RGL1: variants seen among roughly 807,000 people sequenced by gnomAD.
RGL1 encodes the protein ral guanine nucleotide dissociation stimulator-like 1.
In RGL1, 24 loss-of-function variants were observed where a neutral mutation model predicts 95.2. The observed-to-expected ratio is 0.25, with a 90% CI of 0.18 to 0.35. RGL1 has a LOEUF of 0.35. Ranked by LOEUF, RGL1 falls within the 10% of genes least tolerant of loss-of-function variation. The pLI is 1.00. For synonymous variants in RGL1, 329 were observed against 344.9 expected, an observed-to-expected ratio of 0.95 and a Z score of 0.51; for missense variants, 715 against 936.3, an observed-to-expected ratio of 0.76 and a Z score of 3.08.
intron 1 of RGL1, among the ~76,000 whole-genome samples, chr1:183,738,951 T>A (rs1273685708): frequency 2.6e-5 from 4 of 152,102 alleles, no homozygotes; most frequent in Admixed American, 2.6e-4. Flanking sequence ...ATGCTAGATT[T>A]GAAGAGGAAA....
In RGL1 at chr1:183,795,884, C is replaced by G. The variant is rs952918466; in HGVS notation, c.133-10491C>G. On this transcript the variant is annotated intron_variant, in intron 2 of 18. Coordinates refer to the RGL1 transcript ENST00000304685. ...TCTTGCTGTAATCTCTATATTATGA[C>G]GTTTGGCTTCAAGCTAAAAAATCTT... Among the ~76,000 whole-genome samples the G allele has an allele frequency of 4.1e-4, 63 of 152,058 alleles. 1 individual carries two copies. Among genetic ancestry groups the G allele is most frequent in the Non-Finnish European group, 1.2e-4 (8 of 68,004 alleles).
chr1:183,735,120 GA>G (rs1398725103), intron 1 of RGL1, among the ~76,000 whole-genome samples: 6 of 152,058 alleles, frequency 3.9e-5, no homozygotes, highest in Non-Finnish European at 7.4e-5. Flanking sequence ...GTAAGGGGGA[GA>G]AAGTATGTGG....
chr1:183,855,235 CT>C (rs1369738013), intron 3 of RGL1, among the ~76,000 whole-genome samples: 1 of 152,210 alleles, frequency 6.6e-6, no homozygotes, highest in Non-Finnish European at 1.5e-5. Flanking sequence ...CGTGTCATCA[CT>C]GTCAAGGCCA....
chr1:183,668,611 C>T (rs1381015235), intron 1 of RGL1, among the ~76,000 whole-genome samples: 1 of 151,942 alleles, frequency 6.6e-6, no homozygotes, highest in East Asian at 1.9e-4. Context: ...CACCTGGCTG[C>T]GATTTTTTCT....
intron 2 of RGL1, among the ~76,000 whole-genome samples, chr1:183,810,808 G>A (rs978180450): frequency 6.6e-6 from 1 of 152,108 alleles, no homozygotes; most frequent in African/African-American, 2.4e-5. Context: ...TTCACTTCTG[G>A]GAGCCTTCTC....
chr1:183,738,545 C>T (rs1657089421), intron 1 of RGL1, among the ~76,000 whole-genome samples: 2 of 152,170 alleles, frequency 1.3e-5, no homozygotes, highest in Admixed American at 1.3e-4. Context: ...GACTCTGTCA[C>T]ATAGACTTCT....
intron 3 of RGL1, among the ~76,000 whole-genome samples, 154 bp from the exon 4 acceptor site, chr1:183,865,842 T>A (rs1290308078): frequency 6.6e-6 from 1 of 152,268 alleles, no homozygotes; most frequent in Non-Finnish European, 1.5e-5. Context: ...TAACTATCAA[T>A]AATACTGCAT....
chr1:183,713,976 G>A (rs1205905139), intron 1 of RGL1, among the ~76,000 whole-genome samples: 1 of 152,056 alleles, frequency 6.6e-6, no homozygotes, highest in Non-Finnish European at 1.5e-5. Context: ...GTGATCTCTG[G>A]GTATTGGCTC....
chr1:183,753,309 T>C (rs1658136181), intron 2 of RGL1, among the ~76,000 whole-genome samples: 1 of 152,208 alleles, frequency 6.6e-6, no homozygotes. Context: ...AGAAGTTTTG[T>C]TTTGTTCTTT....
At chr1:183,804,389 C>T (rs1661154247), upstream of RGL1, among the ~76,000 whole-genome samples, 1 of 152,162 alleles carries the variant, frequency 6.6e-6, no homozygotes. Context: ...ATCCCTATAG[C>T]AGATCTTTCC....
chr1:183,646,381 A>C (rs1468847990), intron 1 of RGL1: 1 of 151,974 alleles, frequency 6.6e-6, no homozygotes, highest in Non-Finnish European at 1.5e-5. Context: ...TAAATGTTTT[A>C]ATGTCATGGC....
chr1:183,741,175 C>T (rs1029514091), intron 1 of RGL1, among the ~76,000 whole-genome samples: 3 of 152,186 alleles, frequency 2.0e-5, no homozygotes, highest in Non-Finnish European at 2.9e-5. Context: ...AAGCCAGACA[C>T]AAAGATCCTT....
At chr1:183,733,126 A>AT (rs1335078636) in intron 1 of RGL1, among the ~76,000 whole-genome samples, 13 of 151,604 alleles carry the variant, frequency 8.6e-5, no homozygotes, top group African/African-American at 2.4e-4. Flanking sequence ...ATGGAAACAA[A>AT]TTTTTTTTTA....
intron 1 of RGL1, among the ~76,000 whole-genome samples, chr1:183,638,823 A>G (rs538894625): frequency 6.6e-6 from 1 of 152,346 alleles, no homozygotes; most frequent in South Asian, 2.1e-4. Context: ...CTGTATATGT[A>G]GTTCCTTATT....
intron 1 of RGL1, among the ~76,000 whole-genome samples, chr1:183,687,913 G>A (rs12027675): frequency 0.081 from 12,319 of 152,162 alleles, 915 homozygotes; most frequent in African/African-American, 0.2. Context: ...TGAGGGAAGA[G>A]TGGGTAGAGA....
chr1:183,727,336 A>T (rs1021196717), intron 1 of RGL1, among the ~76,000 whole-genome samples: 1 of 152,170 alleles, frequency 6.6e-6, no homozygotes, highest in Non-Finnish European at 1.5e-5. Context: ...TACCATAATC[A>T]TCTTCCAGTA....
chr1:183,724,137 A>G lies in RGL1; in HGVS notation c.-32-17989A>G, dbSNP rs1271358123. Among the ~76,000 whole-genome samples the G allele has an allele frequency of 6.6e-6, 1 of 152,194 alleles. No homozygotes were observed. The highest frequency in any genetic ancestry group is 1.9e-4 in the East Asian group (1 of 5,202). Reference sequence around the variant, plus strand: ...CATTTGCTAGCAAAAGAGCTCTTGAACCCAAAATAATCAGCAGTGGTAGGT... The same window carrying G: ...CATTTGCTAGCAAAAGAGCTCTTGAGCCCAAAATAATCAGCAGTGGTAGGT... On this transcript the variant is annotated intron_variant, in intron 1 of 18. Coordinates refer to the RGL1 transcript ENST00000304685. This position sits in a 1 kb window ranked among gnomAD's most constrained non-coding sequence, Gnocchi z 4.1.
intron 2 of RGL1, among the ~76,000 whole-genome samples, chr1:183,842,646 A>G (rs1664140430): frequency 6.6e-6 from 1 of 152,202 alleles, no homozygotes; most frequent in African/African-American, 2.4e-5. Context: ...CAGTACCGTG[A>G]TCTTGTCAGT....
At chr1:183,738,176 T>C (rs1328515318) in intron 1 of RGL1, among the ~76,000 whole-genome samples, 1 of 151,938 alleles carries the variant, frequency 6.6e-6, no homozygotes, top group Non-Finnish European at 1.5e-5. Flanking sequence ...TTTCAGCACT[T>C]TGGGAGGCCG....
Sources: gnomAD v4.1 joint callset for allele counts (sites outside exome capture counted in the v4.1 genomes callset) on GRCh38, gnomAD v4.1.1 for gene constraint, Gnocchi (gnomAD v3.1) non-coding constraint, MANE v1.5 for transcripts, NCBI Gene and HGNC (gene_info 2026-07-23, HGNC 2026-07-21) for gene names.